TRPT1: variants seen among roughly 807,000 people sequenced by gnomAD.
The protein encoded by TRPT1 is tRNA phosphotransferase 1, also known as tRNA 2'-phosphotransferase 1.
TRPT1 carries 22 observed loss-of-function variants against 28.4 expected under a neutral mutation model. That is an observed-to-expected ratio of 0.78 (90% CI 0.55 to 1.11). TRPT1 has a LOEUF of 1.11. Among genes scored for constraint, TRPT1 ranks in the 50% least tolerant of loss-of-function variants. TRPT1 has a pLI of 0.00. For missense variants in TRPT1, 308 were observed against 317.7 expected (o/e 0.97, Z 0.23); for synonymous variants, 137 against 132.4 (o/e 1.03, Z -0.24).
chr11:64,224,507 G>T, intron 5 of TRPT1, 36 bp downstream of exon 5: 1 of 1,566,140 alleles, frequency 6.4e-7, no homozygotes, highest in South Asian at 1.2e-5. Context: ...AGGACAGAGT[G>T]GGTGGGAGTA....
rs1236855037 is a variant in TRPT1, at chr11:64,223,851, A to C, written c.*25T>G. 2.0e-6 allele frequency: 3 copies of C among 1,474,548 alleles called. No individual in the cohort carries two copies. The highest frequency in any genetic ancestry group is 2.8e-6 in the Non-Finnish European group (3 of 1,089,134). The allele number at this position is 1,474,548 out of a possible 1,614,324, so 91.3% of individuals were successfully genotyped here. A position where few individuals can be genotyped will look rare whatever the true frequency, so the allele number is the denominator to read the frequency against. On this transcript the variant is annotated 3_prime_UTR_variant, in exon 8 of 8. Coordinates refer to ENST00000317459, the MANE Select transcript of TRPT1 (RefSeq NM_001033678.4). ...CGAGTTCTTTCTTGTTACTTTTTAA[A>C]ATTTCTTTTTTATAAATTAATATTT...
In TRPT1 at chr11:64,225,582, T is replaced by C; in HGVS notation, c.76-2A>G. ...CTTGGACAGCTGCACGTCTCGGTCC[T>C]GAAAGAACCCAGCGGTGGCCCCTAG... is the stretch of plus-strand genomic sequence containing the variant. On this transcript the variant is annotated splice_acceptor_variant, in intron 2 of 7. Coordinates refer to ENST00000317459, the MANE Select transcript of TRPT1 (RefSeq NM_001033678.4). LOFTEE classifies it high-confidence loss of function. 6 of 1,609,552 alleles carry C rather than the reference T, an allele frequency of 3.7e-6. No homozygotes were observed. The highest frequency in any genetic ancestry group is 1.1e-5 in the South Asian group (1 of 90,218).
chr11:64,223,852 A>T lies in TRPT1; in HGVS notation c.*24T>A, dbSNP rs144815399. 513 of 1,480,108 alleles carry T rather than the reference A, an allele frequency of 3.5e-4. 2 individuals carry two copies. The African/African-American group carries it at 6.5e-3, about 19-fold the overall frequency. The allele number at this position is 1,480,108 out of a possible 1,614,324, so 91.7% of individuals were successfully genotyped here. ...GAGTTCTTTCTTGTTACTTTTTAAA[A>T]TTTCTTTTTTATAAATTAATATTTT... On this transcript the variant is annotated 3_prime_UTR_variant, in exon 8 of 8. Coordinates refer to ENST00000317459, the MANE Select transcript of TRPT1 (RefSeq NM_001033678.4).
intron 1 of TRPT1, 31 bp downstream of exon 1, chr11:64,226,019 G>GTTTC (rs1946996111): frequency 3.3e-6 from 2 of 604,642 alleles, no homozygotes; most frequent in African/African-American, 1.9e-5. Flanking sequence ...GCTGCAGAGA[G>GTTTC]GGAAACTAAG....
At chr11:64,225,233 A>AC in intron 3 of TRPT1, 2 of 610,636 alleles carry the variant, frequency 3.3e-6, no homozygotes, top group Non-Finnish European at 2.9e-6. Context: ...GCTGCACCGT[A>AC]TCCTCCAGGG....
Position 64,224,218 on chromosome 11 carries a change from C to T in TRPT1, c.560-8G>A, listed in dbSNP as rs747760690. On this transcript the variant is annotated splice_polypyrimidine_tract_variant and splice_region_variant and intron_variant, in intron 6 of 7. Coordinates refer to ENST00000317459, the MANE Select transcript of TRPT1 (RefSeq NM_001033678.4). ...GGAAGAAGGGTATTCCATCTGCTGA[C>T]AGAGCCAGAGATGTGACTCATGCCC... 5.0e-6 allele frequency: 8 copies of T among 1,612,812 alleles called. No individual in the cohort carries two copies. The highest frequency in any genetic ancestry group is 4.5e-5 in the East Asian group (2 of 44,858).
At position 64,225,767 on chromosome 11, in the gene TRPT1, G is replaced by A. The variant is rs373967167; in HGVS notation, c.75+19C>T. ...AGGGAGCCTGGACTGGTGGGAGGGG[G>A]TGGGGAGGAGGCGCGCACCTGTTCT... On this transcript the variant is annotated intron_variant, in intron 2 of 7. Coordinates refer to ENST00000317459, the MANE Select transcript of TRPT1 (RefSeq NM_001033678.4). 560 of 1,537,250 alleles carry A rather than the reference G, an allele frequency of 3.6e-4. 2 individuals carry two copies. Among genetic ancestry groups the A allele is most frequent in the Non-Finnish European group, 4.7e-4 (532 of 1,136,596 alleles).
At position 64,223,899 on chromosome 11, in the gene TRPT1, C is replaced by T. The variant is rs1287157312; in HGVS notation, c.739G>A (p.Glu247Lys). The change falls in exon 8 of 8, where the codon GAA becomes AAA. Residue 247 changes from glutamate (E) to lysine (K), a missense_variant. Glu to Lys is a moderately conservative substitution (Grantham distance 56, BLOSUM62 1). Coordinates refer to ENST00000317459, the MANE Select transcript of TRPT1 (RefSeq NM_001033678.4). ...TTTTATTGTTGGATCCTCCTCCTTT[C>T]TCTGGAGCTGTGCTTGGGGCTACTC... ...CQSSPKHSSRERRRIQQ is the reference protein window; with the variant it reads ...CQSSPKHSSRKRRRIQQ 1 of 1,611,442 alleles carries T rather than the reference C, an allele frequency of 6.2e-7. No homozygotes were observed. The highest frequency in any genetic ancestry group is 1.7e-5 in the Admixed American group (1 of 59,740).
At chr11:64,224,479 C>T (rs1273582398) in intron 5 of TRPT1, 64 bp downstream of exon 5, 4 of 1,579,436 alleles carry the variant, frequency 2.5e-6, no homozygotes, top group African/African-American at 1.3e-5. Flanking sequence ...GTGTTGTAAC[C>T]TTTGAAGGGG....
Position 64,223,873 on chromosome 11 carries a change from A to AT in TRPT1, c.*2dup. On this transcript the variant is annotated 3_prime_UTR_variant, in exon 8 of 8. Coordinates refer to ENST00000317459, the MANE Select transcript of TRPT1 (RefSeq NM_001033678.4). ...TAAAATTTCTTTTTTATAAATTAAT[A>AT]TTTTATTGTTGGATCCTCCTCCTTT... The AT allele has an allele frequency of 1.3e-6, 2 of 1,573,524 alleles. No homozygotes were observed. The highest frequency in any genetic ancestry group is 1.7e-6 in the Non-Finnish European group (2 of 1,158,682).
chr11:64,225,073 C>T (rs1946902104), intron 3 of TRPT1, 103 bp from the exon 4 acceptor site: 6 of 1,288,166 alleles, frequency 4.7e-6, no homozygotes, highest in Non-Finnish European at 6.3e-6. Flanking sequence ...TTGGAGATCG[C>T]TTGGGCATCC....
At position 64,224,908 on chromosome 11, in the gene TRPT1, C is replaced by G; in HGVS notation, c.220G>C (p.Asp74His). 1 of 1,600,912 alleles carries G rather than the reference C, an allele frequency of 6.2e-7. No individual in the cohort carries two copies. Among genetic ancestry groups the G allele is most frequent in the Non-Finnish European group, 8.5e-7 (1 of 1,174,340 alleles). Residue 74 changes from aspartate to histidine, a missense_variant, in exon 4 of 8, where the codon GAT becomes CAT. Physicochemically the swap from Asp to His is moderately conservative, Grantham distance 81. Transcript: ENST00000317459. ...LPQFRGFSAEDVQRVVDTNRK... is the reference protein window; with the variant it reads ...LPQFRGFSAEHVQRVVDTNRK... ...TTGGTGTCCACCACGCGCTGCACAT[C>G]TTCAGCAGAGAAGCCGCGGAACTGG...
In TRPT1 at chr11:64,224,125, C is replaced by CT; in HGVS notation, c.644dup (p.Glu216GlyfsTer17). 1 of 1,607,642 alleles carries CT rather than the reference C, an allele frequency of 6.2e-7. No individual in the cohort carries two copies. The highest frequency in any genetic ancestry group is 8.5e-7 in the Non-Finnish European group (1 of 1,175,748). ...GGGTAGGGCGTAGCTGCAGGGCCTC[C>CT]TTGAAGTACTTGGGAAGGAGGAAGC... is the stretch of plus-strand genomic sequence containing the variant. On this transcript the variant is annotated frameshift_variant, in exon 7 of 8. Transcript: ENST00000317459. LOFTEE classifies it high-confidence loss of function.
chr11:64,226,155 G>T lies in TRPT1; in HGVS notation c.-115C>A, dbSNP rs1411654840. On this transcript the variant is annotated 5_prime_UTR_variant, in exon 1 of 8. Coordinates refer to ENST00000317459, the MANE Select transcript of TRPT1 (RefSeq NM_001033678.4). ...CGGGAGGCAGGGCCGACGTGCCGAC[G>T]GACCGGGCGGAAGCGTCGGGGCGGC... is the stretch of plus-strand genomic sequence containing the variant. The T allele has an allele frequency of 2.3e-5, 10 of 435,974 alleles. No individual in the cohort carries two copies. Among genetic ancestry groups the T allele is most frequent in the African/African-American group, 1.6e-4 (8 of 48,510 alleles). 27.0% of individuals were successfully genotyped at this position (435,974 alleles called of 1,614,324 possible). A position where few individuals can be genotyped will look rare whatever the true frequency, so the allele number is the denominator to read the frequency against.
chr11:64,224,399 CAGACTGGGGTCCT>C, intron 5 of TRPT1, 58 bp from the exon 6 acceptor site: 6 of 1,609,878 alleles, frequency 3.7e-6, no homozygotes, highest in Non-Finnish European at 5.1e-6. Context: ...GCAACCTAGG[CAGACTGGGGTCCT>C]GGGCTGGGGG....
intron 5 of TRPT1, 89 bp from the exon 6 acceptor site, chr11:64,224,430 G>C: frequency 1.3e-6 from 2 of 1,599,446 alleles, no homozygotes; most frequent in Non-Finnish European, 1.7e-6. Context: ...GGGATGCAGG[G>C]GTGCTGCTCC....
Position 64,225,091 on chromosome 11 carries a change from G to A in TRPT1, c.158-121C>T. 4 of 1,138,728 alleles carry A rather than the reference G, an allele frequency of 3.5e-6. No individual in the cohort carries two copies. The South Asian group carries it at 4.8e-5, about 14-fold the overall frequency. 70.5% of individuals were successfully genotyped at this position (1,138,728 alleles called of 1,614,324 possible). A position where few individuals can be genotyped will look rare whatever the true frequency, so the allele number is the denominator to read the frequency against. On this transcript the variant is annotated intron_variant, in intron 3 of 7. Coordinates refer to ENST00000317459, the MANE Select transcript of TRPT1 (RefSeq NM_001033678.4). The stretch of plus-strand genomic sequence containing the variant: ...GAGATCGCTTGGGCATCCTCTGTGG[G>A]ACCTTTAGAAAGTCTCCCCTTTCTG...
chr11:64,225,905 G>C (rs1391483605), intron 1 of TRPT1, 36 bp from the exon 2 acceptor site: 5 of 1,275,146 alleles, frequency 3.9e-6, no homozygotes, highest in Middle Eastern at 1.8e-4. Flanking sequence ...ACTGCTTTAA[G>C]GCCCCTTCCA....
In TRPT1 at chr11:64,224,302, C is replaced by G. The variant is rs569081074; in HGVS notation, c.542G>C (p.Gly181Ala). The G allele has an allele frequency of 1.9e-6, 3 of 1,613,884 alleles. No individual in the cohort carries two copies. The highest frequency in any genetic ancestry group is 2.5e-6 in the Non-Finnish European group (3 of 1,180,038). ...AGACTCACCTGCCAGAGCCAGGGGT[C>G]CATCGATGAACACAGCTATTTCACA... ...SHCEIAVFID[G>A]PLALADGIPF... The change falls in exon 6 of 8, where the codon GGA becomes GCA. Residue 181 changes from glycine to alanine, a missense_variant. Physicochemically the swap from Gly to Ala is moderately conservative, Grantham distance 60. Coordinates refer to ENST00000317459, the MANE Select transcript of TRPT1 (RefSeq NM_001033678.4).
Sources: allele counts gnomAD v4.1 joint callset, GRCh38; gene constraint gnomAD v4.1.1; transcripts MANE v1.5; gene names NCBI Gene and HGNC (gene_info 2026-07-23, HGNC 2026-07-21).